PDE1A: variants seen among roughly 807,000 people sequenced by gnomAD.
PDE1A encodes phosphodiesterase 1A, also known as dual specificity calcium/calmodulin-dependent 3',5'-cyclic nucleotide phosphodiesterase 1A.
A neutral mutation model predicts 61.7 loss-of-function variants in PDE1A; 35 were observed. The observed-to-expected ratio is 0.57, with a 90% CI of 0.43 to 0.75. PDE1A has a LOEUF of 0.75. Ranked by LOEUF, PDE1A falls within the 30% of genes least tolerant of loss-of-function variation. The pLI is 0.00. For synonymous variants in PDE1A, 232 were observed against 213.2 expected (o/e 1.09, Z -0.77); for missense variants, 597 against 630.6 (o/e 0.95, Z 0.57).
chr2:182,694,338 A>T, the PDE1A span, among the ~76,000 whole-genome samples: 1 of 152,206 alleles, frequency 6.6e-6, no homozygotes, highest in African/African-American at 2.4e-5. Flanking sequence ...ATTGATACAT[A>T]TGTCTGTTTT....
the PDE1A span, among the ~76,000 whole-genome samples, chr2:182,689,113 G>C: frequency 2.0e-5 from 3 of 152,274 alleles, no homozygotes; most frequent in Middle Eastern, 3.4e-3. Context: ...ACATTAGAGA[G>C]ATCAGCGAGA....
At chr2:182,213,209 G>T (rs1197396506) in intron 7 of PDE1A, among the ~76,000 whole-genome samples, 1 of 149,444 alleles carries the variant, frequency 6.7e-6, no homozygotes, top group Non-Finnish European at 1.5e-5. Context: ...TGAGGGTCCT[G>T]TCTGTTAGAA....
At chr2:182,490,980 C>T (rs2887215) in intron 2 of PDE1A, among the ~76,000 whole-genome samples, 62,033 of 151,974 alleles carry the variant, frequency 0.41, 12,985 homozygotes, top group African/African-American at 0.47. Flanking sequence ...GGGAAGGAAG[C>T]ATCTGAGGTT....
intron 2 of PDE1A, among the ~76,000 whole-genome samples, chr2:182,493,169 C>G (rs1269926975): frequency 1.1e-4 from 17 of 151,840 alleles, no homozygotes; most frequent in Admixed American, 1.1e-3. Context: ...CTTGCTATAC[C>G]TAGTTTTTAA....
intron 10 of PDE1A, among the ~76,000 whole-genome samples, chr2:182,192,972 T>C (rs1024298172): frequency 2.0e-5 from 3 of 152,100 alleles, no homozygotes; most frequent in Non-Finnish European, 2.9e-5. Context: ...AAAATTTCTA[T>C]AGTTTTGCTT....
At chr2:182,176,426 T>C (rs1181728919) in intron 13 of PDE1A, among the ~76,000 whole-genome samples, 2 of 146,348 alleles carry the variant, frequency 1.4e-5, no homozygotes, top group Non-Finnish European at 3.0e-5. Context: ...GATTCCTAGG[T>C]ATTTTATTCT....
chr2:182,393,200 A>G (rs1281692937), intron 1 of PDE1A, among the ~76,000 whole-genome samples: 2 of 152,170 alleles, frequency 1.3e-5, no homozygotes, highest in East Asian at 3.9e-4. Context: ...CCAAACTTCA[A>G]TTCTTGACTT....
chr2:182,504,234 CTCTT>C (rs1220869141), intron 2 of PDE1A, among the ~76,000 whole-genome samples: 3 of 152,272 alleles, frequency 2.0e-5, no homozygotes, highest in East Asian at 3.9e-4. Flanking sequence ...AGCTGAATTT[CTCTT>C]TCTAAGGAAT....
chr2:182,695,144 G>A, the PDE1A span, among the ~76,000 whole-genome samples: 1 of 152,134 alleles, frequency 6.6e-6, no homozygotes, highest in African/African-American at 2.4e-5. Context: ...AGCCAAGCAT[G>A]GCTAGCCTGA....
intron 1 of PDE1A, among the ~76,000 whole-genome samples, chr2:182,382,035 A>G (rs984138575): frequency 9.9e-5 from 15 of 152,048 alleles, no homozygotes; most frequent in African/African-American, 3.6e-4. Flanking sequence ...TTTGACAATA[A>G]ACAAATACAT....
chr2:182,420,348 A>C (rs1703198474), intron 1 of PDE1A, among the ~76,000 whole-genome samples: 1 of 152,136 alleles, frequency 6.6e-6, no homozygotes, highest in Non-Finnish European at 1.5e-5. Context: ...TTAATGATAT[A>C]ACTTAAAAGT....
the PDE1A span, among the ~76,000 whole-genome samples, chr2:182,553,277 G>T: frequency 6.6e-6 from 1 of 152,136 alleles, no homozygotes; most frequent in Non-Finnish European, 1.5e-5. Flanking sequence ...CACCATCTTG[G>T]GTGCTCTGTG....
At chr2:182,306,505 C>G (rs939406128) in intron 1 of PDE1A, among the ~76,000 whole-genome samples, 2 of 151,088 alleles carry the variant, frequency 1.3e-5, no homozygotes, top group Admixed American at 6.6e-5. Flanking sequence ...CACACAAAAG[C>G]AAGGCAATAT....
chr2:182,492,068 T>A (rs2125885581), intron 2 of PDE1A, among the ~76,000 whole-genome samples: 1 of 152,264 alleles, frequency 6.6e-6, no homozygotes, highest in Non-Finnish European at 1.5e-5. Flanking sequence ...GTCTGATCAT[T>A]TCCTATCATC....
intron 1 of PDE1A, among the ~76,000 whole-genome samples, chr2:182,406,233 T>C (rs1420535151): frequency 6.6e-6 from 1 of 152,098 alleles, no homozygotes; most frequent in African/African-American, 2.4e-5. Context: ...TTTTACAGAT[T>C]ATATTTAGGG....
At chr2:182,409,825 T>A (rs1249352235) in intron 1 of PDE1A, among the ~76,000 whole-genome samples, 1 of 152,188 alleles carries the variant, frequency 6.6e-6, no homozygotes. Context: ...AATATTAATA[T>A]AAATTAAATG....
At chr2:182,494,455 G>A (rs889530806) in intron 2 of PDE1A, among the ~76,000 whole-genome samples, 2 of 152,148 alleles carry the variant, frequency 1.3e-5, no homozygotes, top group Non-Finnish European at 2.9e-5. Flanking sequence ...TACAAATGGC[G>A]AGCCCACAGT....
At chr2:182,636,169 AG>A in the PDE1A span, among the ~76,000 whole-genome samples, 1 of 151,824 alleles carries the variant, frequency 6.6e-6, no homozygotes, top group Non-Finnish European at 1.5e-5. Flanking sequence ...CGTGTTAGAC[AG>A]GATGGTCTCG....
At chr2:182,223,316 T>C (rs1000734516) in intron 7 of PDE1A, among the ~76,000 whole-genome samples, 5 of 152,016 alleles carry the variant, frequency 3.3e-5, no homozygotes, top group Non-Finnish European at 5.9e-5. Context: ...ACCCATTCTG[T>C]GGTATTTTGT....
Sources: gnomAD v4.1 joint callset for allele counts (sites outside exome capture counted in the v4.1 genomes callset) on GRCh38, gnomAD v4.1.1 for gene constraint, MANE v1.5 for transcripts, NCBI Gene and HGNC (gene_info 2026-07-23, HGNC 2026-07-21) for gene names.